Variants in NUB1 observed in about 807,000 individuals in gnomAD.
NUB1 encodes the protein NEDD8 ultimate buster 1.
In NUB1, 41 loss-of-function variants were observed where a neutral mutation model predicts 77.1. The ratio of observed to expected loss-of-function variants is 0.53; its 90% CI spans 0.41 to 0.69. The LOEUF is 0.69. NUB1 is among the 30% of genes least tolerant of loss of function. The pLI, the probability that NUB1 is intolerant of heterozygous loss-of-function variation, is 0.00. For synonymous variants in NUB1, 257 were observed against 281.0 expected, an observed-to-expected ratio of 0.91 and a Z score of 0.85; for missense variants, 643 against 743.8, an observed-to-expected ratio of 0.86 and a Z score of 1.58.
chr7:151,368,819 C>A lies in NUB1; in HGVS notation c.1180C>A (p.Arg394=). The change falls in exon 11 of 15, where the codon CGG becomes AGG. Residue 394 remains arginine, a synonymous_variant. Coordinates refer to ENST00000568733, the MANE Select transcript of NUB1 (RefSeq NM_001243351.2). The part of the protein sequence containing the change: ...LQLGFTAQEA[R]LGLRACDGNV... ...GTTGGGGTTTACTGCCCAGGAAGCC[C>A]GGCTTGGCCTGAGGGCGTGTGATGG... 6.2e-7 allele frequency: 1 copy of A among 1,614,010 alleles called. No individual in the cohort carries two copies. The highest frequency in any genetic ancestry group is 8.5e-7 in the Non-Finnish European group (1 of 1,179,880).
intron 7 of NUB1, among the ~76,000 whole-genome samples, chr7:151,356,449 G>A (rs570150473): frequency 5.3e-5 from 8 of 152,334 alleles, no homozygotes; most frequent in Admixed American, 2.0e-4. Flanking sequence ...CTGTCCTGGA[G>A]CAGTGACTTT....
chr7:151,369,461 G>A (rs907233905), intron 11 of NUB1, among the ~76,000 whole-genome samples: 2 of 152,156 alleles, frequency 1.3e-5, no homozygotes, highest in African/African-American at 4.8e-5. Context: ...GTTTTTTCAT[G>A]AGGTCATTAT....
chr7:151,373,969 G>A, intron 11 of NUB1, 128 bp from the exon 12 acceptor site: 2 of 994,600 alleles, frequency 2.0e-6, no homozygotes, highest in South Asian at 1.8e-5. Context: ...GTAGAAAGAG[G>A]GCCCCCTGTG....
chr7:151,356,710 GT>G (rs1450203665), intron 7 of NUB1, among the ~76,000 whole-genome samples: 1 of 78,926 alleles, frequency 1.3e-5, no homozygotes, highest in Non-Finnish European at 2.9e-5. Context: ...ATATCTGTGG[GT>G]TTTTTGTTTG....
chr7:151,369,587 A>G (rs1362875860), intron 11 of NUB1, among the ~76,000 whole-genome samples: 1 of 152,252 alleles, frequency 6.6e-6, no homozygotes, highest in Non-Finnish European at 1.5e-5. Context: ...AATTAAGTAC[A>G]TTAAAGAAAA....
At chr7:151,374,743 C>G (rs1383717607) in intron 12 of NUB1, 1 of 171,644 alleles carries the variant, frequency 5.8e-6, no homozygotes, top group Non-Finnish European at 1.3e-5. Context: ...ACCTGGGCCA[C>G]TTCCTTCCCT....
chr7:151,347,107 A>T (rs1032574414), intron 2 of NUB1, among the ~76,000 whole-genome samples: 27 of 152,318 alleles, frequency 1.8e-4, no homozygotes, highest in Non-Finnish European at 2.9e-4. Flanking sequence ...GAAAGTTTTT[A>T]AAAAAGTATT....
In NUB1 at chr7:151,367,955, A is replaced by G. The variant is rs751384706; in HGVS notation, c.1082A>G (p.Glu361Gly). 7.6e-6 allele frequency: 12 copies of G among 1,574,736 alleles called. 1 individual carries two copies. The South Asian group carries it at 1.4e-4, about 18-fold the overall frequency. Residue 361 changes from glutamate to glycine, a missense_variant, in exon 10 of 15, where the codon GAG becomes GGG. By Grantham distance (98) the Glu-to-Gly change is moderately conservative. Transcript: ENST00000568733. ...AGTGGAAATGATGTAGAGGCTTATG[A>G]GTATCTTAACAAGGTAAGAAAAGTA... ...YHSGNDVEAY[E>G]YLNKARQLFK...
intron 1 of NUB1, among the ~76,000 whole-genome samples, chr7:151,342,712 A>G (rs1190762556): frequency 6.6e-6 from 1 of 152,164 alleles, no homozygotes; most frequent in Non-Finnish European, 1.5e-5. Context: ...TTAACATTAA[A>G]TCTTATTCGG....
intron 2 of NUB1, among the ~76,000 whole-genome samples, chr7:151,347,322 A>C (rs2150663576): frequency 6.6e-6 from 1 of 152,228 alleles, no homozygotes; most frequent in East Asian, 1.9e-4. Flanking sequence ...GGATCACTTG[A>C]ACCCGGGAGT....
At position 151,352,211 on chromosome 7, in the gene NUB1, C is replaced by A. The variant is rs974210262; in HGVS notation, c.345-601C>A. 2.0e-5 allele frequency: 9 copies of A among 455,878 alleles called. No homozygotes were observed. The East Asian group carries it at 2.1e-4, about 11-fold the overall frequency. 28.2% of individuals were successfully genotyped at this position (455,878 alleles called of 1,614,324 possible). Reference sequence around the variant, plus strand: ...CACAGAAGGTATAGGTAGATTTTCTCCGGATGTGCAACTAGGGCTTCCTGT... The same window carrying A: ...CACAGAAGGTATAGGTAGATTTTCTACGGATGTGCAACTAGGGCTTCCTGT... On this transcript the variant is annotated intron_variant, in intron 4 of 14. Coordinates refer to ENST00000568733, the MANE Select transcript of NUB1 (RefSeq NM_001243351.2).
chr7:151,352,985 C>A, intron 5 of NUB1, 103 bp downstream of exon 5: 1 of 627,652 alleles, frequency 1.6e-6, no homozygotes, highest in Non-Finnish European at 2.8e-6. Context: ...AGCTTTATTT[C>A]ATTTATAATC....
chr7:151,343,967 G>T (rs544001575), intron 1 of NUB1, among the ~76,000 whole-genome samples: 1 of 151,794 alleles, frequency 6.6e-6, no homozygotes, highest in Non-Finnish European at 1.5e-5. Flanking sequence ...GGATCACAAG[G>T]TCAGGAGATT....
intron 8 of NUB1, among the ~76,000 whole-genome samples, chr7:151,365,433 T>A (rs1221246472): frequency 6.6e-6 from 1 of 152,202 alleles, no homozygotes; most frequent in East Asian, 1.9e-4. Flanking sequence ...ACGCTCTTGA[T>A]GCTTAGTAAA....
At chr7:151,356,610 A>T (rs1333223765) in intron 7 of NUB1, among the ~76,000 whole-genome samples, 1 of 152,194 alleles carries the variant, frequency 6.6e-6, no homozygotes, top group Non-Finnish European at 1.5e-5. Flanking sequence ...GGAAAAGTCC[A>T]CAGGTGATTC....
At position 151,352,877 on chromosome 7, in the gene NUB1, A is replaced by C; in HGVS notation, c.410A>C (p.Gln137Pro). Residue 137 changes from glutamine to proline, a missense_variant, in exon 5 of 15, where the codon CAA (glutamine) becomes CCA (proline). Gln to Pro is a moderately conservative substitution (Grantham distance 76). Coordinates refer to ENST00000568733, the MANE Select transcript of NUB1 (RefSeq NM_001243351.2). ...IKIVINKKQLQLGKTLEEQGV... is the reference protein window; with the variant it reads ...IKIVINKKQLPLGKTLEEQGV... ...ATTGTCATAAATAAGAAGCAACTACAACTAGGTATGTATGGCAAAGTATGC... is the reference window on the plus strand; with the variant it reads ...ATTGTCATAAATAAGAAGCAACTACCACTAGGTATGTATGGCAAAGTATGC... The C allele has an allele frequency of 6.6e-7, 1 of 1,524,156 alleles. No individual in the cohort carries two copies. The highest frequency in any genetic ancestry group is 9.1e-7 in the Non-Finnish European group (1 of 1,103,614). The allele number at this position is 1,524,156 out of a possible 1,614,324, so 94.4% of individuals were successfully genotyped here. A position where few individuals can be genotyped will look rare whatever the true frequency, so the allele number is the denominator to read the frequency against.
intron 10 of NUB1, among the ~76,000 whole-genome samples, chr7:151,368,371 C>T (rs780473457): frequency 2.0e-5 from 3 of 152,210 alleles, no homozygotes; most frequent in Non-Finnish European, 4.4e-5. Context: ...AGCGCTGTGG[C>T]TGCATGCCAT....
At chr7:151,375,239 G>T (rs1052534244) in intron 12 of NUB1, among the ~76,000 whole-genome samples, 1 of 152,172 alleles carries the variant, frequency 6.6e-6, no homozygotes, top group Admixed American at 6.5e-5. Context: ...ATTTTTATTT[G>T]AATATCATCT....
In NUB1 at chr7:151,345,381, T is replaced by G. The variant is rs1684752388; in HGVS notation, c.32T>G (p.Leu11Trp). 1 of 1,612,584 alleles carries G rather than the reference T, an allele frequency of 6.2e-7. No homozygotes were observed. Among genetic ancestry groups the G allele is most frequent in the African/African-American group, 1.3e-5 (1 of 74,880 alleles). The stretch of plus-strand genomic sequence containing the variant: ...CAAAAGAAATATCTTCAAGCAAAAT[T>G]GACCCAGTTTTTAAGGGAAGACAGG... MAQKKYLQAK[L>W]TQFLREDRIQ... Residue 11 changes from leucine to tryptophan, a missense_variant, in exon 2 of 15, where the codon TTG becomes TGG. Transcript: ENST00000568733.
Sources: allele counts gnomAD v4.1 joint callset (sites outside exome capture counted in the v4.1 genomes callset), GRCh38; gene constraint gnomAD v4.1.1; transcripts MANE v1.5; gene names NCBI Gene and HGNC (gene_info 2026-07-23, HGNC 2026-07-21).